Variants in KCNT2 observed in about 807,000 individuals in gnomAD.
KCNT2 encodes the protein potassium channel subfamily T member 2.
In KCNT2, 67 loss-of-function variants were observed where a neutral mutation model predicts 153.8. The observed-to-expected ratio is 0.44, with a 90% CI of 0.36 to 0.53. The LOEUF (loss-of-function observed/expected upper bound fraction) is 0.53. KCNT2 is among the 20% of genes least tolerant of loss of function. The pLI is 0.00. For missense variants in KCNT2, 975 were observed against 1,354.8 expected (o/e 0.72, Z 4.40); for synonymous variants, 500 against 458.8 (o/e 1.09, Z -1.15).
intron 26 of KCNT2, among the ~76,000 whole-genome samples, chr1:196,250,255 C>T (rs2102294104): frequency 6.6e-6 from 1 of 152,156 alleles, no homozygotes; most frequent in East Asian, 1.9e-4. Flanking sequence ...CAGCATGAAA[C>T]ATGGTACTGG....
At chr1:196,477,398 C>A (rs1678630559) in intron 5 of KCNT2, among the ~76,000 whole-genome samples, 1 of 151,892 alleles carries the variant, frequency 6.6e-6, no homozygotes, top group African/African-American at 2.4e-5. Context: ...TCAGCCTGGG[C>A]AACATGGCAA....
rs1659186496 is a variant in KCNT2, at chr1:196,282,304, T to C, written c.2750A>G (p.Asp917Gly). 2 of 1,602,404 alleles carry C rather than the reference T, an allele frequency of 1.2e-6. No individual in the cohort carries two copies. The highest frequency in any genetic ancestry group is 1.7e-6 in the Non-Finnish European group (2 of 1,169,932). ...AAGAAACCCAGATCCTGGTGTAGTG[T>C]CCAGTCCCAACAGAAGTCTCGTGAT... Reference protein sequence around the residue: ...ISITRLLLGLDTTPGSGFLCS... With the variant: ...ISITRLLLGLGTTPGSGFLCS... The change falls in exon 24 of 28, where the codon GAC becomes GGC. Residue 917 changes from aspartate to glycine, a missense_variant. Physicochemically the swap from Asp to Gly is moderately conservative, Grantham distance 94. Transcript: ENST00000294725.
At chr1:196,337,091 A>G (rs937168520) in intron 16 of KCNT2, among the ~76,000 whole-genome samples, 2 of 151,872 alleles carry the variant, frequency 1.3e-5, no homozygotes, top group Non-Finnish European at 2.9e-5. Context: ...TGAAATCTAG[A>G]CTCTTACATA....
Position 196,313,281 on chromosome 1 carries a change from G to A in KCNT2, c.2483+2611C>T, listed in dbSNP as rs559891235. On this transcript the variant is annotated intron_variant, in intron 21 of 27. Coordinates refer to ENST00000294725, the MANE Select transcript of KCNT2 (RefSeq NM_198503.5). ...TAGAAAATGAGTAGCACTACTCAGA[G>A]TGTTGAATGCTAGAAACTGAGAATG... is the stretch of plus-strand genomic sequence containing the variant. Among the ~76,000 whole-genome samples, 14 of 151,754 alleles carry A rather than the reference G, an allele frequency of 9.2e-5. No homozygotes were observed. In the East Asian group the frequency reaches 2.3e-3, roughly 25 times the overall value.
At chr1:196,342,423 T>G in intron 14 of KCNT2, among the ~76,000 whole-genome samples, 195 bp from the exon 15 acceptor site, 1 of 5,174 alleles carries the variant, frequency 1.9e-4, no homozygotes, top group East Asian at 0.029. Flanking sequence ...TTGAATACTA[T>G]ATATATATAT....
chr1:196,491,991 A>G (rs964371859), intron 2 of KCNT2, among the ~76,000 whole-genome samples: 3 of 152,086 alleles, frequency 2.0e-5, no homozygotes, highest in Non-Finnish European at 4.4e-5. Flanking sequence ...ACTAATCCAG[A>G]TAGTCCACTC....
chr1:196,305,491 A>C (rs1661542950), intron 21 of KCNT2, 146 bp from the exon 22 acceptor site: 1 of 545,430 alleles, frequency 1.8e-6, no homozygotes, highest in African/African-American at 1.9e-5. Context: ...AAAATCTTCT[A>C]TACAATGCAG....
chr1:196,257,566 T>C, intron 26 of KCNT2: 1 of 920,378 alleles, frequency 1.1e-6, no homozygotes, highest in Non-Finnish European at 1.3e-6. Context: ...ATAAATGATA[T>C]ATTTTAAATG....
chr1:196,241,617 A>T (rs1381891528), intron 26 of KCNT2, among the ~76,000 whole-genome samples: 2 of 152,098 alleles, frequency 1.3e-5, no homozygotes, highest in Non-Finnish European at 2.9e-5. Context: ...TATTAAAAAC[A>T]TTTGAACTCT....
intron 12 of KCNT2, among the ~76,000 whole-genome samples, chr1:196,411,517 A>G (rs374773612): frequency 5.5e-5 from 8 of 145,926 alleles, no homozygotes; most frequent in East Asian, 2.0e-4. Flanking sequence ...ATGTCTTTCC[A>G]TTTTCCATTT....
intron 8 of KCNT2, among the ~76,000 whole-genome samples, chr1:196,449,414 T>C (rs1259510920): frequency 1.3e-5 from 2 of 151,734 alleles, no homozygotes; most frequent in African/African-American, 4.8e-5. Context: ...GAATATTAAG[T>C]GTCCCAATGA....
intron 20 of KCNT2, chr1:196,317,406 T>C (rs1450164157): frequency 7.8e-6 from 2 of 256,706 alleles, no homozygotes; most frequent in African/African-American, 4.5e-5. Flanking sequence ...AGGAAATTTA[T>C]CATAATTTTT....
At chr1:196,266,001 A>G (rs1232400012) in intron 25 of KCNT2, among the ~76,000 whole-genome samples, 1 of 152,156 alleles carries the variant, frequency 6.6e-6, no homozygotes, top group African/African-American at 2.4e-5. Context: ...CAAACAAAAA[A>G]CAGCACCAGC....
At chr1:196,444,151 G>T (rs1208202173) in intron 8 of KCNT2, among the ~76,000 whole-genome samples, 1 of 151,124 alleles carries the variant, frequency 6.6e-6, no homozygotes, top group Non-Finnish European at 1.5e-5. Context: ...GTATGTGTGG[G>T]TCTACAGGTA....
Position 196,341,547 on chromosome 1 carries a change from T to C in KCNT2, c.1553+532A>G, listed in dbSNP as rs548767301. On this transcript the variant is annotated intron_variant, in intron 15 of 27. Transcript: ENST00000294725. ...ATTAAAACATTTAATACAGATAATATGTTATTTTCATTATATACATACATT... is the reference window on the plus strand; with the variant it reads ...ATTAAAACATTTAATACAGATAATACGTTATTTTCATTATATACATACATT... Among the ~76,000 whole-genome samples the C allele has an allele frequency of 2.6e-5, 4 of 152,098 alleles. No homozygotes were observed. In the South Asian group the frequency reaches 6.2e-4, roughly 24 times the overall value.
At chr1:196,243,506 A>G (rs1370042987) in intron 26 of KCNT2, among the ~76,000 whole-genome samples, 2 of 152,202 alleles carry the variant, frequency 1.3e-5, no homozygotes, top group Admixed American at 6.5e-5. Context: ...GGCAGTGGCC[A>G]CATGGTGCAG....
intron 1 of KCNT2, among the ~76,000 whole-genome samples, chr1:196,561,609 A>ACGC (rs1659392359): frequency 7.2e-6 from 1 of 139,144 alleles, no homozygotes; most frequent in Non-Finnish European, 1.5e-5. Flanking sequence ...AGCTGAGATC[A>ACGC]CACCACTGCA....
chr1:196,498,837 A>T (rs1357726980), intron 1 of KCNT2, among the ~76,000 whole-genome samples: 3 of 152,318 alleles, frequency 2.0e-5, no homozygotes, highest in African/African-American at 4.8e-5. Flanking sequence ...GTATCACATT[A>T]TTCTCAGTTT....
At chr1:196,534,787 G>A (rs1655353776) in intron 1 of KCNT2, among the ~76,000 whole-genome samples, 1 of 152,124 alleles carries the variant, frequency 6.6e-6, no homozygotes, top group Non-Finnish European at 1.5e-5. Context: ...TCACTTTGTG[G>A]AACTTCGTGG....
Sources: gnomAD v4.1 joint callset for allele counts (sites outside exome capture counted in the v4.1 genomes callset) on GRCh38, gnomAD v4.1.1 for gene constraint, MANE v1.5 for transcripts, NCBI Gene and HGNC (gene_info 2026-07-23, HGNC 2026-07-21) for gene names.